Variants in KCNN2 observed in about 807,000 individuals in gnomAD.
The protein encoded by KCNN2 is potassium calcium-activated channel subfamily N member 2, also known as small conductance calcium-activated potassium channel protein 2.
Under a neutral mutation model 55.5 loss-of-function variants are expected in KCNN2, and 24 were observed. The observed-to-expected ratio is 0.43, with a 90% CI of 0.31 to 0.61. The LOEUF (loss-of-function observed/expected upper bound fraction) is 0.61, where lower values mean the gene tolerates loss of function less well. Among genes scored for constraint, KCNN2 ranks in the 20% least tolerant of loss-of-function variants. The pLI is 0.08. For synonymous variants in KCNN2, 431 were observed against 336.1 expected (o/e 1.28, Z -3.09); for missense variants, 754 against 853.6 (o/e 0.88, Z 1.45).
chr5:114,402,474 A>G (rs576892208), intron 2 of KCNN2, among the ~76,000 whole-genome samples: 1 of 152,206 alleles, frequency 6.6e-6, no homozygotes, highest in Non-Finnish European at 1.5e-5. Flanking sequence ...ACTGAGAGAA[A>G]AGAGGCACAG....
chr5:114,057,890 G>A (rs1388172742), intron 1 of KCNN2, among the ~76,000 whole-genome samples: 2 of 152,190 alleles, frequency 1.3e-5, no homozygotes, highest in Non-Finnish European at 2.9e-5. Context: ...AAATTAAAAA[G>A]TTTGGCAATA....
chr5:114,113,974 G>T (rs1751660435), intron 1 of KCNN2, among the ~76,000 whole-genome samples: 1 of 152,068 alleles, frequency 6.6e-6, no homozygotes, highest in African/African-American at 2.4e-5. Flanking sequence ...ATATTTTGGG[G>T]TGACATTTGG....
At chr5:114,305,741 A>C (rs904304269) in intron 2 of KCNN2, among the ~76,000 whole-genome samples, 5 of 152,198 alleles carry the variant, frequency 3.3e-5, no homozygotes, top group Non-Finnish European at 1.5e-5. Flanking sequence ...ACAGCAGCAC[A>C]ACTGGACCAG....
chr5:114,485,295 A>G lies in KCNN2; in HGVS notation c.1891-1755A>G, dbSNP rs371819314. ...TAAAATCAGAGAGAGAGCCTCCATC[A>G]GGGCCCCTTGCCAATCTTCCAGGTA... On this transcript the variant is annotated intron_variant, in intron 5 of 7. Coordinates refer to ENST00000673685, the MANE Select transcript of KCNN2 (RefSeq NM_021614.4). Among the ~76,000 whole-genome samples the G allele has an allele frequency of 4.6e-5, 7 of 152,262 alleles. No individual in the cohort carries two copies. The East Asian group carries it at 1.2e-3, about 25-fold the overall frequency.
intron 1 of KCNN2, among the ~76,000 whole-genome samples, chr5:114,165,934 T>G (rs1463707805): frequency 6.6e-6 from 1 of 152,188 alleles, no homozygotes; most frequent in Non-Finnish European, 1.5e-5. Flanking sequence ...GTACTCATTC[T>G]TATTTTTGCC....
chr5:114,407,622 A>G (rs1384968912), intron 3 of KCNN2, among the ~76,000 whole-genome samples: 1 of 152,148 alleles, frequency 6.6e-6, no homozygotes. Flanking sequence ...GGGTGATTTG[A>G]GTGGGGGACA....
chr5:114,386,046 G>C (rs1758272862), intron 2 of KCNN2, among the ~76,000 whole-genome samples: 1 of 151,818 alleles, frequency 6.6e-6, no homozygotes, highest in South Asian at 2.1e-4. Context: ...GCCGGGCATG[G>C]TGGCAGGCAC....
At chr5:114,420,380 T>C (rs1255972058) in intron 3 of KCNN2, among the ~76,000 whole-genome samples, 1 of 152,260 alleles carries the variant, frequency 6.6e-6, no homozygotes, top group African/African-American at 2.4e-5. Flanking sequence ...TGCTACTGTT[T>C]AGTGGAGTAC....
At chr5:114,152,579 A>G (rs80053748) in intron 1 of KCNN2, among the ~76,000 whole-genome samples, 1,796 of 152,206 alleles carry the variant, frequency 0.012, 36 homozygotes, top group African/African-American at 0.04. Context: ...TTTTTATGGG[A>G]GCTTATTCTA....
chr5:114,265,374 G>A (rs1192781085), intron 2 of KCNN2, among the ~76,000 whole-genome samples: 2 of 150,690 alleles, frequency 1.3e-5, no homozygotes, highest in African/African-American at 4.9e-5. Context: ...TGCATAAAGA[G>A]ATTTATTATG....
At chr5:114,435,100 C>T (rs1759956216) in intron 3 of KCNN2, among the ~76,000 whole-genome samples, 1 of 152,148 alleles carries the variant, frequency 6.6e-6, no homozygotes, top group Admixed American at 6.5e-5. Context: ...CCACTCTCTA[C>T]CCGTCACTCC....
At chr5:114,379,685 ATAT>A (rs1281422121) in intron 2 of KCNN2, among the ~76,000 whole-genome samples, 3 of 107,796 alleles carry the variant, frequency 2.8e-5, no homozygotes, top group South Asian at 5.2e-4. Context: ...ATTATATAAC[ATAT>A]TATATATTTA....
intron 5 of KCNN2, among the ~76,000 whole-genome samples, chr5:114,479,940 A>G (rs935710014): frequency 2.6e-5 from 4 of 152,158 alleles, no homozygotes; most frequent in African/African-American, 9.6e-5. Context: ...AAAGATTTCA[A>G]GTTACAACAG....
At chr5:114,141,573 A>G (rs1223224725) in intron 1 of KCNN2, among the ~76,000 whole-genome samples, 1 of 152,182 alleles carries the variant, frequency 6.6e-6, no homozygotes, top group Admixed American at 6.5e-5. Context: ...GCTATTGTGA[A>G]TAGTGCTGCA....
chr5:114,317,699 T>C (rs2150028233), intron 2 of KCNN2, among the ~76,000 whole-genome samples: 1 of 152,358 alleles, frequency 6.6e-6, no homozygotes, highest in East Asian at 1.9e-4. Flanking sequence ...GGAGGAATTT[T>C]GGAAGTAGAT....
At chr5:114,241,977 G>A (rs570459277) in intron 2 of KCNN2, among the ~76,000 whole-genome samples, 1 of 150,946 alleles carries the variant, frequency 6.6e-6, no homozygotes, top group African/African-American at 2.4e-5. Context: ...TCATTTTTCA[G>A]GCTAAAGGGC....
chr5:114,310,045 C>G (rs1756365043), intron 2 of KCNN2, among the ~76,000 whole-genome samples: 1 of 152,198 alleles, frequency 6.6e-6, no homozygotes, highest in Non-Finnish European at 1.5e-5. Context: ...ACTTTTTGTG[C>G]CTCTTCTCTA....
At chr5:114,163,706 A>G (rs915701514) in intron 1 of KCNN2, among the ~76,000 whole-genome samples, 1 of 152,126 alleles carries the variant, frequency 6.6e-6, no homozygotes, top group Non-Finnish European at 1.5e-5. Context: ...TCTCCTGGTA[A>G]TATGGGGAGG....
intron 1 of KCNN2, among the ~76,000 whole-genome samples, chr5:114,221,171 C>T (rs1266832039): frequency 1.3e-5 from 2 of 152,228 alleles, no homozygotes; most frequent in Non-Finnish European, 2.9e-5. Flanking sequence ...GCCTGGTTTT[C>T]AGCCCCCACT....
Sources: gnomAD v4.1 joint callset for allele counts (sites outside exome capture counted in the v4.1 genomes callset) on GRCh38, gnomAD v4.1.1 for gene constraint, MANE v1.5 for transcripts, NCBI Gene and HGNC (gene_info 2026-07-23, HGNC 2026-07-21) for gene names.